The following PRLR variants were observed in gnomAD, a reference collection of about 807,000 sequenced individuals.
PRLR encodes the protein hPRL receptor.
Under a neutral mutation model 40.2 loss-of-function variants are expected in PRLR, and 13 were observed. The observed-to-expected ratio is 0.32, with a 90% CI of 0.21 to 0.51. The LOEUF (loss-of-function observed/expected upper bound fraction) is 0.51, where lower values mean the gene tolerates loss of function less well. Among genes scored for constraint, PRLR ranks in the 20% least tolerant of loss-of-function variants. The probability of loss-of-function intolerance (pLI) is 0.97; values close to 1 mark genes in which losing one functional copy is unlikely to be tolerated. For missense variants in PRLR, 656 were observed against 747.3 expected (o/e 0.88, Z 1.42); for synonymous variants, 269 against 278.7 (o/e 0.97, Z 0.35).
intron 2 of PRLR, among the ~76,000 whole-genome samples, chr5:35,094,916 C>A (rs1290691858): frequency 6.6e-6 from 1 of 151,296 alleles, no homozygotes; most frequent in African/African-American, 2.4e-5. Context: ...CAGCCTGGAC[C>A]TCCCTGGGTC....
At chr5:35,099,185 G>A (rs970942925) in intron 2 of PRLR, among the ~76,000 whole-genome samples, 1 of 152,170 alleles carries the variant, frequency 6.6e-6, no homozygotes, top group African/African-American at 2.4e-5. Context: ...ATGAGGTCAG[G>A]TGATGAAGTG....
intron 2 of PRLR, among the ~76,000 whole-genome samples, chr5:35,113,471 AT>A (rs1772818090): frequency 6.8e-6 from 1 of 146,282 alleles, no homozygotes; most frequent in African/African-American, 2.6e-5. Flanking sequence ...CCATCCATCC[AT>A]CCATCCATCC....
chr5:35,159,506 C>G (rs893959305), intron 1 of PRLR, among the ~76,000 whole-genome samples: 3 of 152,074 alleles, frequency 2.0e-5, no homozygotes, highest in African/African-American at 7.2e-5. Flanking sequence ...GTCAGCGGGA[C>G]AGAAAGTCCT....
rs111286619 is a variant in PRLR at position 35,085,161 on chromosome 5, C to T, written c.204-522G>A. Among the ~76,000 whole-genome samples the T allele has an allele frequency of 2.0e-3, 306 of 152,290 alleles. 1 individual carries two copies. The highest frequency in any genetic ancestry group is 3.1e-3 in the Admixed American group (48 of 15,306). On this transcript the variant is annotated intron_variant, in intron 4 of 9. Transcript: ENST00000618457. ...CCAAGTCAGCAATAAAGTGAAGTGA[C>T]GTTGAGAGGAGGTATTTCAAGCCCA... is the stretch of plus-strand genomic sequence containing the variant.
At chr5:35,102,621 C>A (rs1212302858) in intron 2 of PRLR, among the ~76,000 whole-genome samples, 2 of 150,850 alleles carry the variant, frequency 1.3e-5, no homozygotes, top group Non-Finnish European at 2.9e-5. Flanking sequence ...TGGCTCACTG[C>A]AACCTCCAAT....
At chr5:35,130,807 G>A (rs187971934) in intron 1 of PRLR, among the ~76,000 whole-genome samples, 1 of 152,250 alleles carries the variant, frequency 6.6e-6, no homozygotes, top group Non-Finnish European at 1.5e-5. Context: ...GAGTGGGGTG[G>A]GCCCTTAATC....
In PRLR at chr5:35,058,042, T is replaced by A. The variant is rs1030868575; in HGVS notation, c.*7047A>T. The A allele has an allele frequency of 3.3e-5, 5 of 152,168 alleles. No individual in the cohort carries two copies. The highest frequency in any genetic ancestry group is 1.2e-4 in the African/African-American group (5 of 41,462). 9.4% of individuals were successfully genotyped at this position (152,168 alleles called of 1,614,324 possible). On this transcript the variant is annotated 3_prime_UTR_variant, in exon 10 of 10. Transcript: ENST00000618457. Reference sequence around the variant, plus strand: ...TGACTTACTAAGTATTCTTTCTGAATCTTTCTTGCAGCCGGTTTTTATAAA... The same window carrying A: ...TGACTTACTAAGTATTCTTTCTGAAACTTTCTTGCAGCCGGTTTTTATAAA...
intron 1 of PRLR, among the ~76,000 whole-genome samples, chr5:35,156,208 A>T (rs1194592554): frequency 6.6e-6 from 1 of 151,498 alleles, no homozygotes; most frequent in African/African-American, 2.4e-5. Flanking sequence ...ACTCCAATCC[A>T]ATCCAATGAT....
rs1355126824 is a variant in PRLR at position 35,063,372 on chromosome 5, C to T, written c.*1717G>A. The stretch of plus-strand genomic sequence containing the variant: ...AGAGGTGAGCTCAAGTTCTCTATGT[C>T]CAGCTAGTAAATGGACATATAGAAT... On this transcript the variant is annotated 3_prime_UTR_variant, in exon 10 of 10. Coordinates refer to ENST00000618457, the MANE Select transcript of PRLR (RefSeq NM_000949.7). 1 of 152,038 alleles carries T rather than the reference C, an allele frequency of 6.6e-6. No individual in the cohort carries two copies. Among genetic ancestry groups the T allele is most frequent in the Non-Finnish European group, 1.5e-5 (1 of 68,010 alleles). The allele number at this position is 152,038 out of a possible 1,614,324, so 9.4% of individuals were successfully genotyped here.
intron 2 of PRLR, among the ~76,000 whole-genome samples, chr5:35,109,397 C>T (rs1014098536): frequency 5.3e-5 from 8 of 152,208 alleles, no homozygotes; most frequent in Admixed American, 5.2e-4. Context: ...AACTTCTGCC[C>T]AGCAAAAGAA....
chr5:35,154,003 CCTTT>C (rs1309138201), intron 1 of PRLR, among the ~76,000 whole-genome samples: 4 of 152,142 alleles, frequency 2.6e-5, no homozygotes, highest in African/African-American at 4.8e-5. Context: ...ATAGATGATT[CCTTT>C]AATTGGTTTT....
At chr5:35,135,191 T>C (rs1301641501) in intron 1 of PRLR, 2 of 151,980 alleles carry the variant, frequency 1.3e-5, no homozygotes, top group Admixed American at 1.3e-4. Context: ...AAAATAATTC[T>C]GTCCTAGGGA....
chr5:35,087,824 C>T (rs1770953059), intron 3 of PRLR, among the ~76,000 whole-genome samples: 1 of 152,178 alleles, frequency 6.6e-6, no homozygotes, highest in African/African-American at 2.4e-5. Context: ...TGCCCTGATA[C>T]TGTGGGGCTG....
At chr5:35,068,683 G>T in intron 8 of PRLR, 96 bp downstream of exon 8, 3 of 965,722 alleles carry the variant, frequency 3.1e-6, no homozygotes, top group South Asian at 1.6e-5. Flanking sequence ...CTAAAATGAG[G>T]ATTATCTACA....
intron 1 of PRLR, among the ~76,000 whole-genome samples, chr5:35,139,154 A>T (rs1191316337): frequency 6.6e-6 from 1 of 152,120 alleles, no homozygotes; most frequent in African/African-American, 2.4e-5. Context: ...TTATTTTTTG[A>T]GATGGAGTCT....
chr5:35,124,460 C>T (rs544078947), intron 1 of PRLR, among the ~76,000 whole-genome samples: 11 of 152,222 alleles, frequency 7.2e-5, no homozygotes, highest in Admixed American at 3.9e-4. Context: ...CTTTCAACTC[C>T]GAAATGCTAT....
At chr5:35,074,811 T>A (rs929881791) in intron 5 of PRLR, among the ~76,000 whole-genome samples, 2 of 151,670 alleles carry the variant, frequency 1.3e-5, no homozygotes, top group African/African-American at 4.9e-5. Context: ...AAAAAAAAAA[T>A]GAAGGAGGCA....
intron 1 of PRLR, among the ~76,000 whole-genome samples, chr5:35,159,984 T>C (rs1464393287): frequency 6.6e-6 from 1 of 152,188 alleles, no homozygotes; most frequent in Admixed American, 6.5e-5. Flanking sequence ...TACAGTCTAA[T>C]GTGACAACAC....
rs1483334302 is a variant in PRLR at position 35,113,481 on chromosome 5, CCATCCAT to C, written c.-44+4573_-44+4579del. On this transcript the variant is annotated intron_variant, in intron 2 of 9. Transcript: ENST00000618457. Reference sequence around the variant, plus strand: ...TCCATCCATCCATCCATCCATCCATCCATCCATCCACCCACCCACCTATCTATCCACC... The same window carrying C: ...TCCATCCATCCATCCATCCATCCATCCCACCCACCCACCTATCTATCCACC... 2.0e-3 allele frequency among the ~76,000 whole-genome samples: 302 copies of C among 147,974 alleles called. 7 individuals carry two copies. The highest frequency in any genetic ancestry group is 7.0e-3 in the African/African-American group (282 of 40,186).
Sources: gnomAD v4.1 joint callset for allele counts (sites outside exome capture counted in the v4.1 genomes callset) on GRCh38, gnomAD v4.1.1 for gene constraint, MANE v1.5 for transcripts, NCBI Gene and HGNC (gene_info 2026-07-23, HGNC 2026-07-21) for gene names.